CEP70: variants seen among roughly 807,000 people sequenced by gnomAD.
CEP70 encodes centrosomal protein 70.
In CEP70, 70 loss-of-function variants were observed where a neutral mutation model predicts 90.9. That is an observed-to-expected ratio of 0.77 (90% CI 0.64 to 0.94). The LOEUF is 0.94. Among genes scored for constraint, CEP70 ranks in the 40% least tolerant of loss-of-function variants. The pLI is 0.00. For missense variants in CEP70, 648 were observed against 669.0 expected, an observed-to-expected ratio of 0.97 and a Z score of 0.35; for synonymous variants, 220 against 228.3, an observed-to-expected ratio of 0.96 and a Z score of 0.33.
intron 6 of CEP70, among the ~76,000 whole-genome samples, chr3:138,558,186 GA>G (rs2040157384): frequency 6.6e-6 from 1 of 152,122 alleles, no homozygotes; most frequent in Non-Finnish European, 1.5e-5. Context: ...CCAACATGGT[GA>G]AACCCTGTTT....
chr3:138,579,110 G>A (rs2041711215), intron 2 of CEP70, among the ~76,000 whole-genome samples: 1 of 152,192 alleles, frequency 6.6e-6, no homozygotes, highest in Non-Finnish European at 1.5e-5. Context: ...ACTTTGCATT[G>A]AAAGGCAGTA....
At chr3:138,528,446 G>A (rs372274211) in intron 10 of CEP70, among the ~76,000 whole-genome samples, 5 of 152,228 alleles carry the variant, frequency 3.3e-5, no homozygotes, top group South Asian at 2.1e-4. Flanking sequence ...AAGTTATCAC[G>A]GGAAAGAACT....
At chr3:138,573,260 G>A (rs1300059014) in intron 2 of CEP70, among the ~76,000 whole-genome samples, 1 of 151,996 alleles carries the variant, frequency 6.6e-6, no homozygotes, top group African/African-American at 2.4e-5. Flanking sequence ...CCCAAGAACA[G>A]AGGAAAGAAT....
At position 138,532,677 on chromosome 3, in the gene CEP70, A is replaced by C. The variant is rs113262276; in HGVS notation, c.636-107T>G. ...TACAGTGTAAAAGTAAGTACAGATT[A>C]TCTGGCAGGCTTTAAAAAATTTAAG... On this transcript the variant is annotated intron_variant, in intron 7 of 17. Coordinates refer to ENST00000264982, the MANE Select transcript of CEP70 (RefSeq NM_024491.4). 128 of 1,028,168 alleles carry C rather than the reference A, an allele frequency of 1.2e-4. 1 individual carries two copies. In the African/African-American group the frequency reaches 1.7e-3, roughly 14 times the overall value. The allele number at this position is 1,028,168 out of a possible 1,614,324, so 63.7% of individuals were successfully genotyped here.
intron 2 of CEP70, among the ~76,000 whole-genome samples, chr3:138,576,625 C>G (rs1214492182): frequency 6.6e-6 from 1 of 152,186 alleles, no homozygotes; most frequent in South Asian, 2.1e-4. Flanking sequence ...ACAGAACTCT[C>G]CACCCCAAAT....
At chr3:138,536,316 C>T (rs2038262150) in intron 7 of CEP70, among the ~76,000 whole-genome samples, 1 of 151,984 alleles carries the variant, frequency 6.6e-6, no homozygotes, top group Non-Finnish European at 1.5e-5. Context: ...AACACAACTT[C>T]TCTGAATATA....
chr3:138,543,636 C>T (rs190039962), intron 6 of CEP70, among the ~76,000 whole-genome samples: 5 of 152,178 alleles, frequency 3.3e-5, no homozygotes, highest in South Asian at 4.1e-4. Context: ...CCATGGAGCA[C>T]GCAGCCCTGC....
At chr3:138,519,013 G>A (rs1425011787) in intron 11 of CEP70, among the ~76,000 whole-genome samples, 1 of 152,116 alleles carries the variant, frequency 6.6e-6, no homozygotes, top group Non-Finnish European at 1.5e-5. Flanking sequence ...GAAAACCAAG[G>A]CACGACAACT....
chr3:138,532,382 T>C (rs2037903294), intron 8 of CEP70, 132 bp downstream of exon 8: 6 of 700,122 alleles, frequency 8.6e-6, no homozygotes, highest in South Asian at 7.3e-5. Flanking sequence ...TCAAGTTCTT[T>C]ATAAAAAAGA....
chr3:138,576,204 C>T (rs1271521714), intron 2 of CEP70, among the ~76,000 whole-genome samples: 5 of 152,042 alleles, frequency 3.3e-5, no homozygotes, highest in Non-Finnish European at 7.4e-5. Context: ...ATTCAGGAGA[C>T]CCATCTCATG....
chr3:138,521,241 A>G (rs1028135071), intron 11 of CEP70, among the ~76,000 whole-genome samples: 1 of 152,136 alleles, frequency 6.6e-6, no homozygotes, highest in East Asian at 1.9e-4. Context: ...CCATCTAGGA[A>G]GTGAGGAGCG....
intron 3 of CEP70, among the ~76,000 whole-genome samples, chr3:138,572,520 G>T (rs1164548244): frequency 6.6e-6 from 1 of 152,144 alleles, no homozygotes; most frequent in Non-Finnish European, 1.5e-5. Context: ...TATACATATT[G>T]TTTCCTGATA....
intron 1 of CEP70, 61 bp downstream of exon 1, chr3:138,594,137 T>G (rs986894673): frequency 6.6e-6 from 1 of 152,216 alleles, no homozygotes; most frequent in African/African-American, 2.4e-5. Flanking sequence ...TGAGGTCAAG[T>G]CCGGGGTACT....
chr3:138,502,571 A>G (rs1252324344), intron 13 of CEP70, among the ~76,000 whole-genome samples: 1 of 152,190 alleles, frequency 6.6e-6, no homozygotes, highest in Non-Finnish European at 1.5e-5. Flanking sequence ...TAACAGCATA[A>G]TGATACCTTT....
intron 7 of CEP70, among the ~76,000 whole-genome samples, chr3:138,533,581 G>T (rs565471176): frequency 2.0e-5 from 3 of 151,988 alleles, no homozygotes; most frequent in African/African-American, 7.3e-5. Flanking sequence ...AAAATTCATC[G>T]GTGAACAACA....
intron 11 of CEP70, among the ~76,000 whole-genome samples, chr3:138,515,725 C>A (rs12635354): frequency 2.0e-5 from 3 of 151,994 alleles, no homozygotes; most frequent in Non-Finnish European, 4.4e-5. Flanking sequence ...TGAAGACTAT[C>A]TATCTCTACG....
At chr3:138,540,312 T>C (rs2038648782) in intron 6 of CEP70, among the ~76,000 whole-genome samples, 1 of 151,800 alleles carries the variant, frequency 6.6e-6, no homozygotes, top group African/African-American at 2.4e-5. Flanking sequence ...CCGGCCAACA[T>C]GGTGAAACCC....
At chr3:138,497,414 T>G (rs2034048130) in intron 17 of CEP70, 3 of 1,136,516 alleles carry the variant, frequency 2.6e-6, no homozygotes, top group East Asian at 6.7e-5. Flanking sequence ...TAAAAATCAT[T>G]CTTAATAGTA....
Position 138,500,884 on chromosome 3 carries a change from T to A in CEP70, c.1222-3A>T, listed in dbSNP as rs1362856731. The A allele has an allele frequency of 5.4e-6, 8 of 1,479,894 alleles. No individual in the cohort carries two copies. Among genetic ancestry groups the A allele is most frequent in the African/African-American group, 1.4e-5 (1 of 70,234 alleles). The allele number at this position is 1,479,894 out of a possible 1,614,324, so 91.7% of individuals were successfully genotyped here. On this transcript the variant is annotated splice_region_variant and splice_polypyrimidine_tract_variant and intron_variant, in intron 13 of 17. Transcript: ENST00000264982. ...GTTTTCAAGGACTTATACAAATCCT[T>A]TATAACAAAAGAAACTATATGGTAT...
Sources: allele counts gnomAD v4.1 joint callset (sites outside exome capture counted in the v4.1 genomes callset), GRCh38; gene constraint gnomAD v4.1.1; transcripts MANE v1.5; gene names NCBI Gene and HGNC (gene_info 2026-07-23, HGNC 2026-07-21).